SDK1: variants seen among roughly 807,000 people sequenced by gnomAD.
SDK1 encodes the protein sidekick cell adhesion molecule 1.
Under a neutral mutation model 245.5 loss-of-function variants are expected in SDK1, and 157 were observed. That is an observed-to-expected ratio of 0.64 (90% confidence interval 0.56 to 0.73). The LOEUF (loss-of-function observed/expected upper bound fraction) is 0.73, where lower values mean the gene tolerates loss of function less well. Ranked by LOEUF, SDK1 falls within the 30% of genes least tolerant of loss-of-function variation. The pLI is 0.00. For missense variants in SDK1, 3,583 were observed against 3,002.3 expected (o/e 1.19, Z -4.52); for synonymous variants, 1,647 against 1,278.5 (o/e 1.29, Z -6.15).
intron 9 of SDK1, among the ~76,000 whole-genome samples, chr7:3,963,902 C>G (rs575725129): frequency 4.6e-5 from 7 of 152,224 alleles, no homozygotes; most frequent in African/African-American, 1.4e-4. Flanking sequence ...TACACCCAGG[C>G]TCACAGCTAC....
chr7:3,789,977 G>A (rs1047047027), intron 4 of SDK1, among the ~76,000 whole-genome samples: 4 of 152,082 alleles, frequency 2.6e-5, no homozygotes, highest in East Asian at 1.9e-4. Context: ...CAGCATGGTC[G>A]CCAGCTAACT....
At chr7:3,507,897 T>C (rs962446931) in intron 1 of SDK1, among the ~76,000 whole-genome samples, 6 of 152,208 alleles carry the variant, frequency 3.9e-5, no homozygotes, top group African/African-American at 1.4e-4. Flanking sequence ...TTCACAAGTG[T>C]TATTGATGAC....
chr7:3,607,051 T>A (rs1338178873), intron 1 of SDK1, among the ~76,000 whole-genome samples: 1 of 152,196 alleles, frequency 6.6e-6, no homozygotes, highest in Admixed American at 6.5e-5. Context: ...AAGATGCACC[T>A]TCAACTTCTC....
At chr7:3,337,786 A>G (rs148574062) in intron 1 of SDK1, 2 of 152,366 alleles carry the variant, frequency 1.3e-5, no homozygotes, top group East Asian at 1.9e-4. Flanking sequence ...CCAATTCTAT[A>G]TGCAACAAAA....
At chr7:3,437,231 G>T (rs1780054484) in intron 1 of SDK1, among the ~76,000 whole-genome samples, 1 of 152,110 alleles carries the variant, frequency 6.6e-6, no homozygotes, top group African/African-American at 2.4e-5. Context: ...TGAGTGGTAA[G>T]TAATAAAAGT....
intron 1 of SDK1, among the ~76,000 whole-genome samples, chr7:3,467,752 T>G (rs1781053159): frequency 6.6e-6 from 1 of 152,134 alleles, no homozygotes; most frequent in Admixed American, 6.5e-5. Flanking sequence ...AAACTTAATT[T>G]TTTTAGTAAA....
At chr7:3,663,209 A>G (rs1783420019) in intron 4 of SDK1, among the ~76,000 whole-genome samples, 1 of 152,220 alleles carries the variant, frequency 6.6e-6, no homozygotes, top group Non-Finnish European at 1.5e-5. Context: ...TAAAATGAGT[A>G]AAATTGTGAT....
intron 5 of SDK1, among the ~76,000 whole-genome samples, chr7:3,905,007 A>AAAAT (rs1554279226): frequency 1.4e-5 from 2 of 143,510 alleles, no homozygotes; most frequent in African/African-American, 5.1e-5. Context: ...AAAAAAAAAA[A>AAAAT]AATAATAATA....
intron 5 of SDK1, among the ~76,000 whole-genome samples, chr7:3,845,503 A>T (rs1390324944): frequency 6.6e-6 from 1 of 150,436 alleles, no homozygotes; most frequent in African/African-American, 2.4e-5. Context: ...AAAAAAAAAA[A>T]AAAAAAAAAG....
intron 1 of SDK1, among the ~76,000 whole-genome samples, chr7:3,324,621 A>G (rs1779897436): frequency 1.3e-5 from 2 of 152,180 alleles, no homozygotes; most frequent in African/African-American, 4.8e-5. Flanking sequence ...TATAACTGTA[A>G]TTTTTACTCA....
At chr7:3,342,757 A>G (rs934526229) in intron 1 of SDK1, among the ~76,000 whole-genome samples, 3 of 152,218 alleles carry the variant, frequency 2.0e-5, no homozygotes, top group Non-Finnish European at 2.9e-5. Flanking sequence ...GACAAGGTAC[A>G]TACTAGTAGA....
intron 14 of SDK1, among the ~76,000 whole-genome samples, chr7:4,006,261 C>T (rs1407745744): frequency 2.0e-5 from 3 of 152,152 alleles, no homozygotes; most frequent in Admixed American, 1.3e-4. Flanking sequence ...TCGGCCTTAC[C>T]ACTAAGAAAA....
At chr7:3,973,476 C>A (rs929890402) in intron 12 of SDK1, among the ~76,000 whole-genome samples, 1 of 152,156 alleles carries the variant, frequency 6.6e-6, no homozygotes, top group African/African-American at 2.4e-5. Context: ...AAAATGTGCT[C>A]AAATTGCTAC....
chr7:3,599,090 CTT>C (rs58431507), intron 1 of SDK1, among the ~76,000 whole-genome samples: 18,402 of 81,576 alleles, frequency 0.23, 1,910 homozygotes, highest in South Asian at 0.3. Context: ...ACTAATCCAC[CTT>C]TTTTTTTTTT....
chr7:3,305,286 A>G (rs1347158025), intron 1 of SDK1, among the ~76,000 whole-genome samples: 4 of 152,236 alleles, frequency 2.6e-5, no homozygotes, highest in Admixed American at 2.6e-4. Context: ...AGAAGCATGC[A>G]TTTAAAAACT....
At chr7:3,536,385 A>T (rs879727048) in intron 1 of SDK1, among the ~76,000 whole-genome samples, 17 of 152,054 alleles carry the variant, frequency 1.1e-4, no homozygotes, top group South Asian at 2.1e-4. Context: ...ATAATTTTTT[A>T]AAAAATCTAT....
Position 4,145,900 on chromosome 7 carries a change from C to A in SDK1, c.4407C>A (p.Ile1469=), listed in dbSNP as rs1409160935. 1 of 1,594,806 alleles carries A rather than the reference C, an allele frequency of 6.3e-7. No individual in the cohort carries two copies. The highest frequency in any genetic ancestry group is 8.5e-7 in the Non-Finnish European group (1 of 1,170,976). The change falls in exon 29 of 45, where the codon ATC becomes ATA. Residue 1469 remains isoleucine, a synonymous_variant. Coordinates refer to ENST00000404826, the MANE Select transcript of SDK1 (RefSeq NM_152744.4). Reference sequence around the variant, plus strand: ...GGGAGCCACTGGAGGCCACCGTCATCACCACCGAGAAGAGAGGTAAGACCT... The same window carrying A: ...GGGAGCCACTGGAGGCCACCGTCATAACCACCGAGAAGAGAGGTAAGACCT... ...GWGEPLEATV[I]TTEKRERPAP... is the part of the protein sequence containing the mutation.
At chr7:3,738,512 T>C (rs1035063253) in intron 4 of SDK1, among the ~76,000 whole-genome samples, 2 of 152,262 alleles carry the variant, frequency 1.3e-5, no homozygotes, top group African/African-American at 2.4e-5. Context: ...TTTTGCAAGA[T>C]TGTTTTGGCT....
chr7:4,246,975 G>A (rs950700856), intron 44 of SDK1, among the ~76,000 whole-genome samples: 2 of 152,182 alleles, frequency 1.3e-5, no homozygotes, highest in Non-Finnish European at 2.9e-5. Context: ...CACCATCTCC[G>A]TTTCTCATAC....
Sources: gnomAD v4.1 joint callset for allele counts (sites outside exome capture counted in the v4.1 genomes callset) on GRCh38, gnomAD v4.1.1 for gene constraint, MANE v1.5 for transcripts, NCBI Gene and HGNC (gene_info 2026-07-23, HGNC 2026-07-21) for gene names.